The following SLC25A12 variants were observed in gnomAD, a reference collection of about 807,000 sequenced individuals.
The protein encoded by SLC25A12 is electrogenic aspartate/glutamate antiporter SLC25A12, mitochondrial.
SLC25A12 carries 32 observed loss-of-function variants against 83.3 expected under a neutral mutation model. That is an observed-to-expected ratio of 0.38 (90% CI 0.29 to 0.52). The LOEUF (loss-of-function observed/expected upper bound fraction) is 0.52. Among genes scored for constraint, SLC25A12 ranks in the 20% least tolerant of loss-of-function variants. The pLI, the probability that SLC25A12 is intolerant of heterozygous loss-of-function variation, is 0.84. For missense variants in SLC25A12, 611 were observed against 835.6 expected (o/e 0.73, Z 3.31); for synonymous variants, 267 against 291.1 (o/e 0.92, Z 0.84).
intron 3 of SLC25A12, among the ~76,000 whole-genome samples, chr2:171,864,246 AG>A (rs1172831961): frequency 4.6e-5 from 7 of 152,256 alleles, no homozygotes; most frequent in African/African-American, 1.7e-4. Context: ...GAAAGAGCCT[AG>A]GCCCTGGAGG....
intron 2 of SLC25A12, among the ~76,000 whole-genome samples, chr2:171,878,914 A>C (rs561751472): frequency 1.4e-4 from 22 of 152,356 alleles, no homozygotes; most frequent in African/African-American, 5.3e-4. Context: ...TCAGGAATGC[A>C]TGCCCTTTCA....
chr2:171,794,498 A>G (rs1318584036), intron 13 of SLC25A12, among the ~76,000 whole-genome samples: 1 of 152,184 alleles, frequency 6.6e-6, no homozygotes. Context: ...CCTCAAGATC[A>G]AAGCCACATT....
At chr2:171,795,132 A>G (rs951510896) in intron 13 of SLC25A12, among the ~76,000 whole-genome samples, 3 of 152,210 alleles carry the variant, frequency 2.0e-5, no homozygotes, top group Admixed American at 6.5e-5. Context: ...CTTCATGGAC[A>G]GCTTATTGTC....
Position 171,834,046 on chromosome 2 carries a change from G to A in SLC25A12, c.762C>T (p.Ala254=). 6.3e-7 allele frequency: 1 copy of A among 1,599,890 alleles called. No individual in the cohort carries two copies. The highest frequency in any genetic ancestry group is 8.6e-7 in the Non-Finnish European group (1 of 1,167,652). Residue 254 remains alanine, a synonymous_variant, in exon 8 of 18, where the codon GCC becomes GCT. Coordinates refer to ENST00000422440, the MANE Select transcript of SLC25A12 (RefSeq NM_003705.5). The part of the protein sequence containing the change: ...KDVEVTKEEF[A]QSAIRYGQVT... ...CTTGTCCATAGCGTATGGCACTCTG[G>A]GCAAATTCCTCTGGAACAGAGAAAA...
intron 2 of SLC25A12, among the ~76,000 whole-genome samples, chr2:171,883,879 G>A (rs1685751700): frequency 6.6e-6 from 1 of 151,920 alleles, no homozygotes; most frequent in African/African-American, 2.4e-5. Context: ...TTTGTTTTAA[G>A]AGACAGGGTC....
chr2:171,866,328 G>A (rs1573993888), intron 3 of SLC25A12, among the ~76,000 whole-genome samples: 1 of 135,616 alleles, frequency 7.4e-6, no homozygotes, highest in South Asian at 2.7e-4. Flanking sequence ...ATCATGGCCC[G>A]TTCTCAATGA....
At chr2:171,893,342 C>A in intron 1 of SLC25A12, 84 bp from the exon 2 acceptor site, 1 of 1,102,352 alleles carries the variant, frequency 9.1e-7, no homozygotes, top group Non-Finnish European at 1.4e-6. Flanking sequence ...ACATGGCTAA[C>A]AATCAATGCT....
chr2:171,826,212 C>G (rs1043453376), intron 9 of SLC25A12, among the ~76,000 whole-genome samples: 1 of 152,156 alleles, frequency 6.6e-6, no homozygotes, highest in Non-Finnish European at 1.5e-5. Flanking sequence ...AATGCTAATT[C>G]TAAGGGGAAC....
In SLC25A12 at chr2:171,829,881, G is replaced by A. The variant is rs141531432; in HGVS notation, c.846-2999C>T. On this transcript the variant is annotated intron_variant, in intron 8 of 17. Coordinates refer to ENST00000422440, the MANE Select transcript of SLC25A12 (RefSeq NM_003705.5). Reference sequence around the variant, plus strand: ...TTGCCCAGGCCCAGACACAGTCTCCGCTACTGATCCTAACTGGGACTATAA... The same window carrying A: ...TTGCCCAGGCCCAGACACAGTCTCCACTACTGATCCTAACTGGGACTATAA... Among the ~76,000 whole-genome samples, 661 of 152,256 alleles carry A rather than the reference G, an allele frequency of 4.3e-3. 6 individuals carry two copies. The highest frequency in any genetic ancestry group is 0.015 in the African/African-American group (619 of 41,538).
intron 2 of SLC25A12, among the ~76,000 whole-genome samples, chr2:171,875,427 A>G (rs1459882775): frequency 1.3e-5 from 2 of 152,170 alleles, no homozygotes; most frequent in Non-Finnish European, 2.9e-5. Context: ...ACTTGCAGTC[A>G]AGACCCTCTA....
chr2:171,792,513 G>A (rs1683500100), intron 14 of SLC25A12, among the ~76,000 whole-genome samples: 1 of 150,214 alleles, frequency 6.7e-6, no homozygotes, highest in African/African-American at 2.5e-5. Context: ...TGCCCTGGCT[G>A]GTCTTGAACT....
chr2:171,827,539 T>C (rs1684330489), intron 8 of SLC25A12, among the ~76,000 whole-genome samples: 1 of 152,198 alleles, frequency 6.6e-6, no homozygotes, highest in Admixed American at 6.5e-5. Flanking sequence ...CGATTGGTTG[T>C]GGGCCAAGTC....
At position 171,894,238 on chromosome 2, in the gene SLC25A12, A is replaced by G; in HGVS notation, c.-24T>C. ...ATGCTGTGCTCGGAAGCCGGGGACG[A>G]GCGAGTGAGCGAGCAGGGCCGAGCT... On this transcript the variant is annotated 5_prime_UTR_variant, in exon 1 of 18. Transcript: ENST00000422440. The G allele has an allele frequency of 6.2e-7, 1 of 1,605,874 alleles. No homozygotes were observed. The highest frequency in any genetic ancestry group is 8.5e-7 in the Non-Finnish European group (1 of 1,176,708).
chr2:171,821,853 A>G (rs147305857), intron 9 of SLC25A12, among the ~76,000 whole-genome samples: 3,728 of 152,278 alleles, frequency 0.024, 58 homozygotes, highest in Middle Eastern at 0.037. Flanking sequence ...TTAACTTATT[A>G]ATCTTTTTCT....
rs1357737303 is a variant in SLC25A12 at position 171,785,344 on chromosome 2, T to C, written c.1967A>G (p.Tyr656Cys). ...FAGIENKFGL[Y>C]LPKFKSPSVA... ...ACTAGGAGACTTAAATTTCGGGAGATAAAGGCCAAATTTGTTTTCGATGCC... is the reference window on the plus strand; with the variant it reads ...ACTAGGAGACTTAAATTTCGGGAGACAAAGGCCAAATTTGTTTTCGATGCC... Residue 656 changes from tyrosine to cysteine, a missense_variant, in exon 18 of 18, where the codon TAT becomes TGT. Around this residue, in one of 3 missense-constraint regions of SLC25A12, gnomAD observed 37 missense variants for 35.1 expected, o/e 1.05. Transcript: ENST00000422440. The C allele has an allele frequency of 6.2e-7, 1 of 1,614,168 alleles. No homozygotes were observed. The highest frequency in any genetic ancestry group is 8.5e-7 in the Non-Finnish European group (1 of 1,180,028).
intron 6 of SLC25A12, 88 bp downstream of exon 6, chr2:171,837,033 G>T: frequency 1.6e-6 from 2 of 1,250,378 alleles, no homozygotes; most frequent in Non-Finnish European, 2.3e-6. Flanking sequence ...ATAGTTGAGA[G>T]TCATATGAGT....
intron 2 of SLC25A12, 142 bp from the exon 3 acceptor site, chr2:171,868,965 C>T (rs1685403272): frequency 9.4e-6 from 7 of 748,298 alleles, no homozygotes; most frequent in Admixed American, 2.5e-5. Context: ...TCTCTGGATA[C>T]CGAAAAATCA....
chr2:171,883,207 C>T lies in SLC25A12; in HGVS notation c.66+9998G>A, dbSNP rs542250735. Among the ~76,000 whole-genome samples, 4 of 152,318 alleles carry T rather than the reference C, an allele frequency of 2.6e-5. No homozygotes were observed. In the South Asian group the frequency reaches 8.3e-4, roughly 32 times the overall value. On this transcript the variant is annotated intron_variant, in intron 2 of 17. Transcript: ENST00000422440. ...AACAAACAAAACATCCTAATCTCAA[C>T]TTAGAAGAGAAGGAAAGAGACAAGG...
chr2:171,813,409 T>C lies in SLC25A12; in HGVS notation c.1101A>G (p.Leu367=). Residue 367 remains leucine, a synonymous_variant, in exon 11 of 18, where the codon CTA becomes CTG. Coordinates refer to ENST00000422440, the MANE Select transcript of SLC25A12 (RefSeq NM_003705.5). The part of the protein sequence containing the change: ...QRGSGSVVGE[L]MYKNSFDCFK... ...AACAGTCAAAGCTGTTTTTGTACAT[T>C]AGCTCCCCAACAACAGAGCCAGAGC... The C allele has an allele frequency of 6.2e-7, 1 of 1,614,050 alleles. No homozygotes were observed. Among genetic ancestry groups the C allele is most frequent in the Non-Finnish European group, 8.5e-7 (1 of 1,179,948 alleles).
Sources: allele counts gnomAD v4.1 joint callset (sites outside exome capture counted in the v4.1 genomes callset), GRCh38; gene constraint gnomAD v4.1.1; regional missense constraint gnomAD v4.1.1; transcripts MANE v1.5; gene names NCBI Gene and HGNC (gene_info 2026-07-23, HGNC 2026-07-21).